Variants in SGCG observed in about 807,000 individuals in gnomAD.
The protein encoded by SGCG is sarcoglycan gamma.
In SGCG, 26 loss-of-function variants were observed where a neutral mutation model predicts 29.3. That is an observed-to-expected ratio of 0.89 (90% confidence interval 0.65 to 1.23). The LOEUF is 1.23. SGCG is among the 50% of genes most tolerant of loss of function. The pLI is 0.00. For missense variants in SGCG, 353 were observed against 356.0 expected, an observed-to-expected ratio of 0.99 and a Z score of 0.07; for synonymous variants, 145 against 129.7, an observed-to-expected ratio of 1.12 and a Z score of -0.80.
chr13:23,324,794 C>G lies in SGCG; in HGVS notation c.*253C>G, dbSNP rs1274602976. ...GTTTTTCCACTGGATTAATTTTCAC[C>G]GGAACAATTGCGAATTCTCTCTGCC... On this transcript the variant is annotated 3_prime_UTR_variant, in exon 8 of 8. Transcript: ENST00000218867. 5 of 506,550 alleles carry G rather than the reference C, an allele frequency of 9.9e-6. No individual in the cohort carries two copies. Among genetic ancestry groups the G allele is most frequent in the Non-Finnish European group, 1.8e-5 (5 of 276,910 alleles). The allele number at this position is 506,550 out of a possible 1,614,324, so 31.4% of individuals were successfully genotyped here.
At chr13:23,312,744 C>G (rs191508658) in intron 6 of SGCG, among the ~76,000 whole-genome samples, 165 of 152,090 alleles carry the variant, frequency 1.1e-3, no homozygotes, top group African/African-American at 3.7e-3. Context: ...CCCCCTAAAT[C>G]TATACATATT....
At chr13:23,188,789 G>A (rs1468984335) in intron 1 of SGCG, among the ~76,000 whole-genome samples, 2 of 152,152 alleles carry the variant, frequency 1.3e-5, no homozygotes, top group Admixed American at 1.3e-4. Context: ...GGCCTATGAA[G>A]CTCTGCAGTT....
intron 4 of SGCG, among the ~76,000 whole-genome samples, chr13:23,256,483 C>T (rs1253017934): frequency 6.6e-6 from 1 of 152,230 alleles, no homozygotes; most frequent in South Asian, 2.1e-4. Context: ...CACCCATTAA[C>T]TCGTCATGTA....
chr13:23,201,278 C>A, intron 1 of SGCG, among the ~76,000 whole-genome samples: 1 of 152,184 alleles, frequency 6.6e-6, no homozygotes, highest in Non-Finnish European at 1.5e-5. Flanking sequence ...TAAGGGTGAA[C>A]AAAAGCATTA....
At chr13:23,175,835 T>C in the SGCG span, among the ~76,000 whole-genome samples, 1 of 152,134 alleles carries the variant, frequency 6.6e-6, no homozygotes, top group Non-Finnish European at 1.5e-5. Flanking sequence ...TTAATTATAT[T>C]AGTTAAAATG....
intron 5 of SGCG, among the ~76,000 whole-genome samples, chr13:23,286,973 G>T (rs1191540062): frequency 6.6e-6 from 1 of 152,156 alleles, no homozygotes; most frequent in Non-Finnish European, 1.5e-5. Flanking sequence ...TGATAAGGGG[G>T]GACTATTGAA....
At chr13:23,316,836 GCTC>G (rs890715918) in intron 6 of SGCG, among the ~76,000 whole-genome samples, 7 of 152,194 alleles carry the variant, frequency 4.6e-5, no homozygotes, top group African/African-American at 1.7e-4. Context: ...GACACTTTGG[GCTC>G]CTCCTATGTT....
chr13:23,257,078 G>A (rs925471983), intron 4 of SGCG, among the ~76,000 whole-genome samples: 5 of 152,084 alleles, frequency 3.3e-5, no homozygotes, highest in Non-Finnish European at 7.3e-5. Flanking sequence ...ATTCCAACTG[G>A]TGTGAAATGG....
At chr13:23,266,172 T>TG (rs1172241047) in intron 4 of SGCG, among the ~76,000 whole-genome samples, 1 of 151,784 alleles carries the variant, frequency 6.6e-6, no homozygotes, top group Non-Finnish European at 1.5e-5. Flanking sequence ...CTCAAGAGGC[T>TG]GAGGCAGGAG....
intron 4 of SGCG, among the ~76,000 whole-genome samples, chr13:23,262,269 A>G (rs1016752585): frequency 2.6e-5 from 4 of 151,768 alleles, no homozygotes; most frequent in African/African-American, 9.7e-5. Context: ...AGCAGACAAC[A>G]TGGAAGGATT....
the SGCG span, among the ~76,000 whole-genome samples, chr13:23,169,105 C>G: frequency 6.6e-6 from 1 of 151,716 alleles, no homozygotes; most frequent in Non-Finnish European, 1.5e-5. Context: ...CACTAGTCCT[C>G]TCTTGCAAAA....
chr13:23,250,722 G>A lies in SGCG; in HGVS notation c.385+5G>A, dbSNP rs1879930660. On this transcript the variant is annotated splice_donor_5th_base_variant and intron_variant, in intron 4 of 7. Transcript: ENST00000218867. ...TCACAGGCAGGTTAAAAGTCGGTGAGTCCAGCTTCATCATGGTGCTTTGCA... is the reference window on the plus strand; with the variant it reads ...TCACAGGCAGGTTAAAAGTCGGTGAATCCAGCTTCATCATGGTGCTTTGCA... The A allele has an allele frequency of 1.3e-6, 2 of 1,563,362 alleles. No homozygotes were observed. The highest frequency in any genetic ancestry group is 2.2e-5 in the East Asian group (1 of 44,678).
intron 1 of SGCG, among the ~76,000 whole-genome samples, chr13:23,188,479 A>G (rs1460999423): frequency 1.0e-5 from 1 of 96,818 alleles, no homozygotes; most frequent in Non-Finnish European, 2.2e-5. Context: ...GCGCCTGCCT[A>G]ATTTTTTTTT....
intron 6 of SGCG, among the ~76,000 whole-genome samples, chr13:23,299,504 G>A (rs148390844): frequency 0.011 from 1,407 of 125,978 alleles, 138 homozygotes; most frequent in African/African-American, 0.042. Context: ...CCAGGCTGGG[G>A]TGCAGTGGCG....
At chr13:23,259,697 C>T (rs1346248526) in intron 4 of SGCG, among the ~76,000 whole-genome samples, 1 of 152,180 alleles carries the variant, frequency 6.6e-6, no homozygotes, top group East Asian at 1.9e-4. Flanking sequence ...ATAAATTTCC[C>T]TCTACACACT....
intron 1 of SGCG, among the ~76,000 whole-genome samples, chr13:23,185,534 G>T (rs568453085): frequency 2.6e-5 from 4 of 152,116 alleles, no homozygotes; most frequent in African/African-American, 9.7e-5. Context: ...CAATTGCTTC[G>T]ACAGGTTCCC....
At chr13:23,192,595 C>T (rs1877320525) in intron 1 of SGCG, among the ~76,000 whole-genome samples, 2 of 151,916 alleles carry the variant, frequency 1.3e-5, no homozygotes, top group African/African-American at 4.8e-5. Context: ...GGGGTTTCAC[C>T]ATGTTGGCCA....
At chr13:23,172,670 A>G in the SGCG span, among the ~76,000 whole-genome samples, 6 of 152,370 alleles carry the variant, frequency 3.9e-5, no homozygotes, top group African/African-American at 1.4e-4. Flanking sequence ...TGATCATTTC[A>G]TTAATTTAGC....
chr13:23,299,574 T>C (rs547107122), intron 6 of SGCG, among the ~76,000 whole-genome samples: 43 of 148,630 alleles, frequency 2.9e-4, no homozygotes, highest in African/African-American at 1.0e-3. Context: ...TGCCTCAGCC[T>C]CCTGAGTAGC....
Sources: gnomAD v4.1 joint callset for allele counts (sites outside exome capture counted in the v4.1 genomes callset) on GRCh38, gnomAD v4.1.1 for gene constraint, MANE v1.5 for transcripts, NCBI Gene and HGNC (gene_info 2026-07-23, HGNC 2026-07-21) for gene names.